Variants in SCAI observed in about 807,000 individuals in gnomAD.
SCAI encodes suppressor of cancer cell invasion.
Under a neutral mutation model 92.2 loss-of-function variants are expected in SCAI, and 24 were observed. That is an observed-to-expected ratio of 0.26 (90% CI 0.19 to 0.37). The LOEUF is 0.37. Among genes scored for constraint, SCAI ranks in the 10% least tolerant of loss-of-function variants. The pLI is 1.00. For synonymous variants in SCAI, 261 were observed against 258.6 expected, an observed-to-expected ratio of 1.01 and a Z score of -0.09; for missense variants, 450 against 736.2, an observed-to-expected ratio of 0.61 and a Z score of 4.50.
intron 2 of SCAI, among the ~76,000 whole-genome samples, chr9:125,102,698 C>T (rs189909724): frequency 4.4e-4 from 67 of 152,126 alleles, no homozygotes; most frequent in Admixed American, 2.9e-3. Flanking sequence ...CCCAGGTTCA[C>T]GCAATTCTCC....
At chr9:125,058,885 T>G (rs1405823157) in intron 2 of SCAI, among the ~76,000 whole-genome samples, 2 of 152,146 alleles carry the variant, frequency 1.3e-5, no homozygotes, top group Non-Finnish European at 2.9e-5. Flanking sequence ...GGATCAAGCT[T>G]GAAGGAGATC....
At chr9:124,998,190 C>A (rs1184589727) in intron 13 of SCAI, among the ~76,000 whole-genome samples, 4 of 152,062 alleles carry the variant, frequency 2.6e-5, no homozygotes, top group East Asian at 1.9e-4. Context: ...TCAGGCCCAG[C>A]GCGGTGGCTC....
intron 17 of SCAI, among the ~76,000 whole-genome samples, chr9:124,961,985 G>A (rs1437331714): frequency 6.6e-6 from 1 of 151,446 alleles, no homozygotes; most frequent in Non-Finnish European, 1.5e-5. Context: ...CTGCCTCTTG[G>A]TTGGCAGAAG....
chr9:125,133,265 C>T (rs1181123734), intron 2 of SCAI, among the ~76,000 whole-genome samples: 4 of 150,706 alleles, frequency 2.7e-5, no homozygotes, highest in African/African-American at 9.8e-5. Flanking sequence ...TAGCAGGCGC[C>T]TTAATCGCAG....
At position 125,057,582 on chromosome 9, in the gene SCAI, C is replaced by T. The variant is rs527350504; in HGVS notation, c.99-1575G>A. On this transcript the variant is annotated intron_variant, in intron 2 of 17. Coordinates refer to ENST00000336505, the MANE Select transcript of SCAI (RefSeq NM_001144877.3). Reference sequence around the variant, plus strand: ...AGCCACCAAGTGGGTATCCACATCACAGGGTACCTGCATGGTTGTCGGAAT... The same window carrying T: ...AGCCACCAAGTGGGTATCCACATCATAGGGTACCTGCATGGTTGTCGGAAT... Among the ~76,000 whole-genome samples, 5 of 152,296 alleles carry T rather than the reference C, an allele frequency of 3.3e-5. No individual in the cohort carries two copies. The South Asian group carries it at 8.3e-4, about 25-fold the overall frequency.
chr9:125,114,861 T>C (rs1286954611), intron 2 of SCAI, among the ~76,000 whole-genome samples: 1 of 145,696 alleles, frequency 6.9e-6, no homozygotes, highest in African/African-American at 2.5e-5. Context: ...GCAACCTCCA[T>C]CTCCCAGGTT....
intron 15 of SCAI, among the ~76,000 whole-genome samples, chr9:124,973,638 C>G (rs1831701088): frequency 6.6e-6 from 1 of 152,140 alleles, no homozygotes; most frequent in African/African-American, 2.4e-5. Flanking sequence ...TGAGACCAGC[C>G]TGGCCAACAT....
At chr9:125,143,252 T>TCCCC in intron 1 of SCAI, 133 bp downstream of exon 1, 1 of 299,944 alleles carries the variant, frequency 3.3e-6, no homozygotes, top group Non-Finnish European at 5.2e-6. Context: ...GCCCCCAAGG[T>TCCCC]CCCCCCAGCC....
chr9:125,068,443 T>A (rs1006865996), intron 2 of SCAI, among the ~76,000 whole-genome samples: 1 of 152,048 alleles, frequency 6.6e-6, no homozygotes, highest in Non-Finnish European at 1.5e-5. Flanking sequence ...GAGGTTACAG[T>A]GAGCTGACTG....
At chr9:124,993,130 C>T (rs559476179) in intron 14 of SCAI, among the ~76,000 whole-genome samples, 2 of 152,360 alleles carry the variant, frequency 1.3e-5, no homozygotes, top group Non-Finnish European at 2.9e-5. Context: ...AATTCATTTT[C>T]ATTGACAAAG....
intron 2 of SCAI, among the ~76,000 whole-genome samples, chr9:125,086,593 C>G (rs916393423): frequency 1.3e-5 from 2 of 152,190 alleles, no homozygotes; most frequent in Non-Finnish European, 2.9e-5. Flanking sequence ...GGAAACCCTT[C>G]AAATTCCAAA....
intron 2 of SCAI, among the ~76,000 whole-genome samples, chr9:125,106,722 C>CTTTTTTTTTTTTTT (rs34740170): frequency 8.8e-6 from 1 of 113,364 alleles, no homozygotes. Flanking sequence ...TTTTCTTTTC[C>CTTTTTTTTTTTTTT]TTTTTTTTTT....
chr9:125,077,706 T>C (rs1834119887), intron 2 of SCAI, among the ~76,000 whole-genome samples: 3 of 146,622 alleles, frequency 2.0e-5, no homozygotes, highest in South Asian at 2.2e-4. Flanking sequence ...ACTCAGATAC[T>C]TGACATTTAT....
intron 14 of SCAI, among the ~76,000 whole-genome samples, chr9:124,992,935 C>T (rs1230333646): frequency 6.6e-6 from 1 of 152,168 alleles, no homozygotes; most frequent in Non-Finnish European, 1.5e-5. Context: ...TCTAAATAGT[C>T]CTCTGGAAAT....
intron 2 of SCAI, among the ~76,000 whole-genome samples, chr9:125,085,135 T>C (rs1032721288): frequency 2.0e-5 from 3 of 152,234 alleles, no homozygotes; most frequent in African/African-American, 7.2e-5. Context: ...GTAGACTGTG[T>C]TTTTTATTAA....
At chr9:125,102,932 C>T (rs1402317505) in intron 2 of SCAI, among the ~76,000 whole-genome samples, 1 of 152,018 alleles carries the variant, frequency 6.6e-6, no homozygotes, top group Non-Finnish European at 1.5e-5. Context: ...CTTAAGTCAT[C>T]TCTCTCTTTC....
intron 2 of SCAI, among the ~76,000 whole-genome samples, chr9:125,067,654 T>C (rs1833901532): frequency 6.6e-6 from 1 of 152,212 alleles, no homozygotes; most frequent in East Asian, 1.9e-4. Context: ...ATTTCTGTTG[T>C]TTTAAGCCAC....
At chr9:125,142,702 TA>T (rs1206342831) in intron 1 of SCAI, 25 bp from the exon 2 acceptor site, 2 of 1,601,252 alleles carry the variant, frequency 1.2e-6, no homozygotes, top group Non-Finnish European at 1.7e-6. Context: ...AATAAGACGG[TA>T]ACTAAAAGTA....
chr9:124,986,278 G>A (rs537430046), intron 14 of SCAI, among the ~76,000 whole-genome samples: 15 of 152,120 alleles, frequency 9.9e-5, no homozygotes, highest in Admixed American at 1.3e-4. Flanking sequence ...GCAACAGATC[G>A]AGACTCCGTC....
Sources: gnomAD v4.1 joint callset for allele counts (sites outside exome capture counted in the v4.1 genomes callset) on GRCh38, gnomAD v4.1.1 for gene constraint, MANE v1.5 for transcripts, NCBI Gene and HGNC (gene_info 2026-07-23, HGNC 2026-07-21) for gene names.